USP9X: variants seen among roughly 807,000 people sequenced by gnomAD.
USP9X encodes the protein ubiquitin carboxyl-terminal hydrolase 9X.
USP9X carries 7 observed loss-of-function variants against 190.3 expected under a neutral mutation model. The ratio of observed to expected loss-of-function variants is 0.04; its 90% CI spans 0.02 to 0.07. The LOEUF (loss-of-function observed/expected upper bound fraction) is 0.07. Ranked by LOEUF, USP9X falls within the 10% of genes least tolerant of loss-of-function variation. The pLI is 1.00. For synonymous variants in USP9X, 645 were observed against 659.5 expected (o/e 0.98, Z 0.34); for missense variants, 1,010 against 1,916.9 (o/e 0.53, Z 8.83).
chrX:41,108,082 T>C (rs1332787151), intron 1 of USP9X, among the ~76,000 whole-genome samples: 1 of 112,039 alleles, frequency 8.9e-6, no homozygotes, highest in Non-Finnish European at 1.9e-5. Context: ...TTATATAATA[T>C]AGCAACTTTG....
chrX:41,097,004 A>G (rs936917614), intron 1 of USP9X, among the ~76,000 whole-genome samples: 5 of 110,353 alleles, frequency 4.5e-5, no homozygotes, highest in African/African-American at 1.6e-4. Context: ...TTACTTGTCA[A>G]TCCAACAACT....
rs1284393294 is a variant in USP9X, at chrX:41,218,427, G to T, written c.6265G>T (p.Ala2089Ser). 1 of 1,209,346 alleles carries T rather than the reference G, an allele frequency of 8.3e-7. No homozygotes were observed. Among genetic ancestry groups the T allele is most frequent in the Non-Finnish European group, 1.1e-6 (1 of 895,172 alleles). The change falls in exon 37 of 45, where the codon GCT becomes TCT. Residue 2089 changes from alanine (A) to serine (S), a missense_variant. Ala to Ser is a moderately conservative substitution (Grantham distance 99). This residue lies in a region of USP9X where 121 missense variants were observed against 281.2 expected (regional missense o/e 0.43). Coordinates refer to ENST00000378308, the MANE Select transcript of USP9X (RefSeq NM_001039591.3). ...CAGCAAGAATGTACGTTTTTGGTTT[G>T]CTCATAACGTCCTTTTTAATGTTTC... is the stretch of plus-strand genomic sequence containing the variant. ...RHSKNVRFWF[A>S]HNVLFNVSNR...
At chrX:41,211,772 C>T (rs1336737785) in intron 33 of USP9X, among the ~76,000 whole-genome samples, 6 of 108,677 alleles carry the variant, frequency 5.5e-5, no homozygotes, top group East Asian at 6.0e-4. Context: ...TGCCTCTGCC[C>T]GGCCGCCCCT....
Position 41,154,784 on chromosome X carries a change from T to C in USP9X, c.1897+1703T>C, listed in dbSNP as rs139600601. The stretch of plus-strand genomic sequence containing the variant: ...GTCTGGCACATAGTAAATTCCCCTC[T>C]GAATTTTAACATCATACCTTTTTTT... On this transcript the variant is annotated intron_variant, in intron 14 of 44. Coordinates refer to ENST00000378308, the MANE Select transcript of USP9X (RefSeq NM_001039591.3). 8.3e-3 allele frequency among the ~76,000 whole-genome samples: 922 copies of C among 111,695 alleles called. 14 individuals carry two copies. Among genetic ancestry groups the C allele is most frequent in the African/African-American group, 0.029 (891 of 30,733 alleles).
At chrX:41,196,161 C>A in intron 26 of USP9X, 90 bp from the exon 27 acceptor site, 1 of 1,034,929 alleles carries the variant, frequency 9.7e-7, no homozygotes, top group Non-Finnish European at 1.3e-6. Flanking sequence ...TTTATACTCC[C>A]CCCACCTCTC....
chrX:41,221,440 A>C (rs1454649177), intron 38 of USP9X, among the ~76,000 whole-genome samples: 1 of 111,536 alleles, frequency 9.0e-6, no homozygotes. Flanking sequence ...GGAAAATGCA[A>C]AGTGCATCAC....
chrX:41,195,789 G>A (rs1003198008), intron 26 of USP9X: 5 of 268,675 alleles, frequency 1.9e-5, no homozygotes, highest in Admixed American at 1.4e-4. Context: ...TGCTCATTTG[G>A]CCTTCTGGCC....
chrX:41,195,095 G>A (rs957810869), intron 26 of USP9X, among the ~76,000 whole-genome samples: 4 of 107,686 alleles, frequency 3.7e-5, no homozygotes, highest in Middle Eastern at 4.8e-3. Flanking sequence ...GGAGTGCAGT[G>A]GCGTGATCTC....
At chrX:41,199,912 G>T (rs1218374278) in intron 30 of USP9X, among the ~76,000 whole-genome samples, 1 of 111,491 alleles carries the variant, frequency 9.0e-6, no homozygotes, top group Non-Finnish European at 1.9e-5. Context: ...ATAGGCTGCA[G>T]ATTTCAGACC....
rs574726279 is a variant in USP9X at position 41,206,863 on chromosome X, C to T, written c.5015+1370C>T. Among the ~76,000 whole-genome samples the T allele has an allele frequency of 9.5e-4, 102 of 107,048 alleles. 1 individual carries two copies. The highest frequency in any genetic ancestry group is 2.5e-3 in the Admixed American group (25 of 9,953). The allele number at this position is 107,048 out of a possible 115,157, so 93.0% of individuals were successfully genotyped here. A position where few individuals can be genotyped will look rare whatever the true frequency, so the allele number is the denominator to read the frequency against. On this transcript the variant is annotated intron_variant, in intron 32 of 44. Coordinates refer to ENST00000378308, the MANE Select transcript of USP9X (RefSeq NM_001039591.3). Reference sequence around the variant, plus strand: ...CGTGATCTCAGCTCACTGCAACCTCCGCCTCCTGGGTTCAAGCAATTCTGC... The same window carrying T: ...CGTGATCTCAGCTCACTGCAACCTCTGCCTCCTGGGTTCAAGCAATTCTGC...
At chrX:41,208,115 C>T (rs2147222960) in intron 32 of USP9X, among the ~76,000 whole-genome samples, 1 of 106,206 alleles carries the variant, frequency 9.4e-6, no homozygotes, top group Admixed American at 1.0e-4. Context: ...CTCACGGTAA[C>T]CTCTGCCCGC....
chrX:41,175,038 C>T (rs891456338), intron 21 of USP9X, among the ~76,000 whole-genome samples: 2 of 111,761 alleles, frequency 1.8e-5, no homozygotes, highest in African/African-American at 6.5e-5. Context: ...TACTGTTCCT[C>T]ATCAGACATT....
At chrX:41,203,732 C>T (rs896416073) in intron 31 of USP9X, among the ~76,000 whole-genome samples, 6 of 110,942 alleles carry the variant, frequency 5.4e-5, no homozygotes, top group African/African-American at 1.6e-4. Flanking sequence ...GAGTCTCACT[C>T]TGTCACACAG....
At chrX:41,187,223 T>C (rs1481135255) in intron 24 of USP9X, among the ~76,000 whole-genome samples, 1 of 112,541 alleles carries the variant, frequency 8.9e-6, no homozygotes, top group Non-Finnish European at 1.9e-5. Flanking sequence ...TTTTGCAGTT[T>C]ATTCTTTCCC....
intron 32 of USP9X, among the ~76,000 whole-genome samples, chrX:41,206,462 T>C (rs1393879066): frequency 2.7e-5 from 3 of 112,057 alleles, no homozygotes; most frequent in African/African-American, 6.5e-5. Context: ...CTGTTTCTTT[T>C]TTCCCTTTAC....
Position 41,120,998 on chromosome X carries a change from C to T in USP9X, c.-158-2473C>T, listed in dbSNP as rs764651464. On this transcript the variant is annotated intron_variant, in intron 1 of 44. Transcript: ENST00000378308. ...GGACTACAGGGGTGAGCCACCATGC[C>T]TGGCTAATTTTTTTTTTTTTTGTAT... Among the ~76,000 whole-genome samples the T allele has an allele frequency of 3.0e-5, 3 of 101,666 alleles. No individual in the cohort carries two copies. In the East Asian group the frequency reaches 9.4e-4, roughly 32 times the overall value. 88.3% of individuals were successfully genotyped at this position (101,666 alleles called of 115,157 possible).
chrX:41,190,827 T>C (rs5918131), intron 26 of USP9X, among the ~76,000 whole-genome samples: 6,948 of 111,361 alleles, frequency 0.062, 284 homozygotes, highest in Non-Finnish European at 0.097. Context: ...TAATGTACTG[T>C]AGAAAGCATG....
At chrX:41,120,445 A>C (rs915420707) in intron 1 of USP9X, among the ~76,000 whole-genome samples, 1 of 111,806 alleles carries the variant, frequency 8.9e-6, no homozygotes, top group Non-Finnish European at 1.9e-5. Flanking sequence ...GTCTATCTTC[A>C]TATCTGTTTT....
chrX:41,189,961 T>A (rs917289949), intron 26 of USP9X: 1 of 112,253 alleles, frequency 8.9e-6, no homozygotes, highest in African/African-American at 3.2e-5. Flanking sequence ...GTAATTTTGT[T>A]TTGGGTTTCT....
Sources: gnomAD v4.1 joint callset for allele counts (sites outside exome capture counted in the v4.1 genomes callset) on GRCh38, gnomAD v4.1.1 for gene constraint, gnomAD v4.1.1 regional missense constraint, MANE v1.5 for transcripts, NCBI Gene and HGNC (gene_info 2026-07-23, HGNC 2026-07-21) for gene names.